The following SACS variants were observed in gnomAD, a reference collection of about 807,000 sequenced individuals.
The protein encoded by SACS is sacsin molecular chaperone.
Under a neutral mutation model 348.0 loss-of-function variants are expected in SACS, and 197 were observed. That is an observed-to-expected ratio of 0.57 (90% CI 0.50 to 0.64). The LOEUF (loss-of-function observed/expected upper bound fraction) is 0.64, where lower values mean the gene tolerates loss of function less well. Ranked by LOEUF, SACS falls within the 30% of genes least tolerant of loss-of-function variation. The probability of loss-of-function intolerance (pLI) is 0.00; values close to 1 mark genes in which losing one functional copy is unlikely to be tolerated. For missense variants in SACS, 4,999 were observed against 5,360.8 expected, an observed-to-expected ratio of 0.93 and a Z score of 2.11; for synonymous variants, 1,985 against 1,910.6, an observed-to-expected ratio of 1.04 and a Z score of -1.02.
chr13:23,433,341 A>G (rs1593189698), intron 1 of SACS, among the ~76,000 whole-genome samples: 1 of 152,106 alleles, frequency 6.6e-6, no homozygotes. Flanking sequence ...TCACCCACAA[A>G]TTCACAAGCA....
intron 2 of SACS, chr13:23,375,471 T>G: frequency 8.6e-7 from 1 of 1,164,950 alleles, no homozygotes; most frequent in Non-Finnish European, 1.1e-6. Context: ...GGGATCCGCA[T>G]GGCGCAGTCC....
intron 9 of SACS, among the ~76,000 whole-genome samples, chr13:23,352,483 T>C (rs1870025473): frequency 1.3e-5 from 2 of 152,248 alleles, no homozygotes; most frequent in Non-Finnish European, 2.9e-5. Context: ...CTGGTAATCT[T>C]CTGTGTAATC....
rs1313865182 is a variant in SACS at position 23,333,915 on chromosome 13, A to C, written c.9961T>G (p.Phe3321Val). 1.9e-6 allele frequency: 3 copies of C among 1,613,722 alleles called. No homozygotes were observed. In the South Asian group the frequency reaches 3.3e-5, roughly 18 times the overall value. The change falls in exon 10 of 10, where the codon TTT (phenylalanine) becomes GTT (valine). Residue 3321 changes from phenylalanine to valine, a missense_variant. Physicochemically the swap from Phe to Val is conservative, Grantham distance 50. Transcript: ENST00000382292. ...CAGCCAGCTTTCATTAGAGCATGAA[A>C]AACTTTATCACTCTGGGCATTTGGA... ...VFPNAQSDKV[F>V]HALMKAGCIQ... is the part of the protein sequence containing the mutation.
intron 9 of SACS, among the ~76,000 whole-genome samples, chr13:23,346,499 C>T (rs1195122517): frequency 6.6e-6 from 1 of 152,156 alleles, no homozygotes; most frequent in Non-Finnish European, 1.5e-5. Context: ...GAGGTGCATT[C>T]ACTATCAAAC....
In SACS at chr13:23,336,118, T is replaced by C. The variant is rs753034117; in HGVS notation, c.7758A>G (p.Pro2586=). Residue 2586 remains proline, a synonymous_variant, in exon 10 of 10, where the codon CCA becomes CCG. Transcript: ENST00000382292. Reference sequence around the variant, plus strand: ...GCTGGTTGTTGTACACACAAAGTGCTGGCCCTTGCAATGGGGCCCACTTAT... The same window carrying C: ...GCTGGTTGTTGTACACACAAAGTGCCGGCCCTTGCAATGGGGCCCACTTAT... ...FDDKWAPLQG[P]ALCVYNNQPF... The C allele has an allele frequency of 5.0e-6, 8 of 1,612,968 alleles. No individual in the cohort carries two copies. In the South Asian group the frequency reaches 8.8e-5, roughly 18 times the overall value.
Position 23,380,170 on chromosome 13 carries a change from A to AG in SACS, c.21-4902_21-4901insC, listed in dbSNP as rs56262062. On this transcript the variant is annotated intron_variant, in intron 2 of 9. Transcript: ENST00000382292. ...GTGTGAGAGAGAGAGAGAGAGAGAG[A>AG]AAGAGAGGGAGAGTGTGTTTACAAA... Among the ~76,000 whole-genome samples the AG allele has an allele frequency of 9.1e-4, 137 of 150,286 alleles. 1 individual carries two copies. The highest frequency in any genetic ancestry group is 3.1e-3 in the African/African-American group (126 of 40,408).
At chr13:23,341,989 A>G (rs1024628803) in intron 9 of SACS, among the ~76,000 whole-genome samples, 25 of 151,748 alleles carry the variant, frequency 1.6e-4, no homozygotes, top group Non-Finnish European at 3.5e-4. Flanking sequence ...GGGTTTCACC[A>G]TGTTAGCCAG....
chr13:23,408,010 G>A (rs1348923000), intron 2 of SACS, among the ~76,000 whole-genome samples: 1 of 152,150 alleles, frequency 6.6e-6, no homozygotes, highest in Non-Finnish European at 1.5e-5. Context: ...TGTCTGTGCT[G>A]TATTAGGAGT....
intron 1 of SACS, among the ~76,000 whole-genome samples, chr13:23,421,922 G>C (rs556091609): frequency 5.3e-4 from 80 of 151,976 alleles, no homozygotes; most frequent in African/African-American, 1.9e-3. Flanking sequence ...TGTTCAACGG[G>C]GGCCCATGTG....
chr13:23,359,858 A>T (rs544209263), intron 6 of SACS, among the ~76,000 whole-genome samples: 1 of 152,242 alleles, frequency 6.6e-6, no homozygotes, highest in African/African-American at 2.4e-5. Flanking sequence ...GCCTCTCCTC[A>T]TCCTCCCATC....
At chr13:23,368,354 C>T (rs1871185257) in intron 5 of SACS, 48 bp downstream of exon 5, 1 of 1,372,862 alleles carries the variant, frequency 7.3e-7, no homozygotes. Context: ...TTTACTTCAT[C>T]TCATTTTTAT....
chr13:23,362,410 G>A (rs1870793554), intron 6 of SACS, among the ~76,000 whole-genome samples: 1 of 152,120 alleles, frequency 6.6e-6, no homozygotes, highest in Non-Finnish European at 1.5e-5. Flanking sequence ...GCTTCTGGCT[G>A]TGAAACAAAG....
Position 23,339,291 on chromosome 13 carries a change from G to C in SACS, c.4585C>G (p.Gln1529Glu). 1 of 1,606,514 alleles carries C rather than the reference G, an allele frequency of 6.2e-7. No individual in the cohort carries two copies. The highest frequency in any genetic ancestry group is 8.5e-7 in the Non-Finnish European group (1 of 1,176,888). ...GPALWSFNNS[Q>E]FSDSDFVNIT... ...TTCACAAAATCTGAATCTGAGAATT[G>C]AGAATTGTTGAATGACCACAAAGCA... Residue 1529 changes from glutamine to glutamate, a missense_variant, in exon 10 of 10, where the codon CAA (glutamine) becomes GAA (glutamate). Coordinates refer to ENST00000382292, the MANE Select transcript of SACS (RefSeq NM_014363.6).
At chr13:23,411,808 A>G (rs1873492194) in intron 1 of SACS, 68 bp from the exon 2 acceptor site, 1 of 154,676 alleles carries the variant, frequency 6.5e-6, no homozygotes, top group Non-Finnish European at 1.4e-5. Context: ...ATGCACTGAA[A>G]ATGCAATTCC....
intron 1 of SACS, among the ~76,000 whole-genome samples, chr13:23,421,726 T>G (rs1261936478): frequency 6.6e-6 from 1 of 151,876 alleles, no homozygotes; most frequent in Non-Finnish European, 1.5e-5. Flanking sequence ...ACCTGCGGCC[T>G]GATGTCCACT....
In SACS at chr13:23,358,428, CGTGCCAGTCCTCTGGG is replaced by C; in HGVS notation, c.495_510del (p.Pro166AlafsTer5). ...CTGCTTCTTGCTATTTCTTGAATGC[CGTGCCAGTCCTCTGGG>C]GTGAAAACCGCGTTGTTGTACACAT... On this transcript the variant is annotated frameshift_variant, in exon 7 of 10. Transcript: ENST00000382292. LOFTEE classifies it high-confidence loss of function. The C allele has an allele frequency of 6.2e-7, 1 of 1,614,098 alleles. No individual in the cohort carries two copies. Among genetic ancestry groups the C allele is most frequent in the Non-Finnish European group, 8.5e-7 (1 of 1,180,016 alleles).
At chr13:23,432,535 T>C (rs1874475666) in intron 1 of SACS, among the ~76,000 whole-genome samples, 1 of 152,184 alleles carries the variant, frequency 6.6e-6, no homozygotes, top group Admixed American at 6.5e-5. Context: ...TGGATGGTCA[T>C]AAGTAAAACT....
At chr13:23,407,789 GT>G (rs1276638452) in intron 2 of SACS, among the ~76,000 whole-genome samples, 3 of 152,164 alleles carry the variant, frequency 2.0e-5, no homozygotes, top group Non-Finnish European at 4.4e-5. Context: ...AGCCCAGCTG[GT>G]GCATGCATCC....
intron 9 of SACS, among the ~76,000 whole-genome samples, chr13:23,348,932 C>T (rs901297242): frequency 1.3e-5 from 2 of 152,182 alleles, no homozygotes; most frequent in South Asian, 4.1e-4. Flanking sequence ...CATCAACCTA[C>T]AAGTGCTTGT....
Sources: allele counts gnomAD v4.1 joint callset (sites outside exome capture counted in the v4.1 genomes callset), GRCh38; gene constraint gnomAD v4.1.1; transcripts MANE v1.5; gene names NCBI Gene and HGNC (gene_info 2026-07-23, HGNC 2026-07-21).